KIAA0586: variants seen among roughly 807,000 people sequenced by gnomAD.
KIAA0586 encodes the protein protein TALPID3.
Under a neutral mutation model 169.8 loss-of-function variants are expected in KIAA0586, and 144 were observed. That is an observed-to-expected ratio of 0.85 (90% confidence interval 0.74 to 0.97). The LOEUF (loss-of-function observed/expected upper bound fraction) is 0.97, where lower values mean the gene tolerates loss of function less well. Ranked by LOEUF, KIAA0586 falls within the 50% of genes least tolerant of loss-of-function variation. The pLI, the probability that KIAA0586 is intolerant of heterozygous loss-of-function variation, is 0.00. For missense variants in KIAA0586, 1,854 were observed against 1,823.0 expected, an observed-to-expected ratio of 1.02 and a Z score of -0.31; for synonymous variants, 625 against 612.4, an observed-to-expected ratio of 1.02 and a Z score of -0.30.
chr14:58,541,256 T>A (rs893142094), intron 30 of KIAA0586, among the ~76,000 whole-genome samples: 1 of 152,234 alleles, frequency 6.6e-6, no homozygotes. Flanking sequence ...GCTGAGGCTT[T>A]GTAGAATGCA....
intron 29 of KIAA0586, among the ~76,000 whole-genome samples, chr14:58,522,616 C>T (rs768131416): frequency 3.3e-5 from 5 of 151,486 alleles, no homozygotes; most frequent in Non-Finnish European, 2.9e-5. Context: ...CTTTTTTCCT[C>T]AAAATAAACA....
chr14:58,440,362 G>A (rs2038218022), intron 4 of KIAA0586, among the ~76,000 whole-genome samples: 2 of 149,234 alleles, frequency 1.3e-5, no homozygotes, highest in African/African-American at 5.0e-5. Flanking sequence ...ACTGAGTTTC[G>A]CTCTTGTCGC....
chr14:58,508,567 A>C lies in KIAA0586; in HGVS notation c.4181A>C (p.Glu1394Ala). ...QFDTVSGSIY[E>A]DSCASHGPMS... Reference sequence around the variant, plus strand: ...TTTTTGATAACAGGTAGTATTTATGAAGATTCATGTGCTAGTCATGGTCCA... The same window carrying C: ...TTTTTGATAACAGGTAGTATTTATGCAGATTCATGTGCTAGTCATGGTCCA... The change falls in exon 28 of 31, where the codon GAA becomes GCA. Residue 1394 changes from glutamate (E) to alanine (A), a missense_variant. Coordinates refer to ENST00000652326, the MANE Select transcript of KIAA0586 (RefSeq NM_001329943.3). 1 of 1,583,726 alleles carries C rather than the reference A, an allele frequency of 6.3e-7. No homozygotes were observed. The highest frequency in any genetic ancestry group is 8.6e-7 in the Non-Finnish European group (1 of 1,164,884).
intron 21 of KIAA0586, among the ~76,000 whole-genome samples, chr14:58,485,892 T>G (rs1429811305): frequency 1.3e-5 from 2 of 152,186 alleles, no homozygotes; most frequent in African/African-American, 4.8e-5. Flanking sequence ...AAATGCTTCC[T>G]TTCTGTTCTA....
chr14:58,437,964 AG>A (rs1297768194), intron 4 of KIAA0586, among the ~76,000 whole-genome samples: 2 of 152,160 alleles, frequency 1.3e-5, no homozygotes, highest in African/African-American at 4.8e-5. Flanking sequence ...CCAGAGATGT[AG>A]GGGGTATGGT....
intron 7 of KIAA0586, among the ~76,000 whole-genome samples, chr14:58,448,823 T>A (rs981988905): frequency 2.6e-5 from 4 of 152,094 alleles, no homozygotes; most frequent in African/African-American, 9.7e-5. Context: ...TTAGAAAAAA[T>A]TTACTTATTT....
chr14:58,480,637 C>A (rs1027797270), intron 20 of KIAA0586, among the ~76,000 whole-genome samples: 2 of 152,172 alleles, frequency 1.3e-5, no homozygotes, highest in Non-Finnish European at 2.9e-5. Context: ...TCTCCCAGCA[C>A]CCAATCTCTA....
Position 58,452,159 on chromosome 14 carries a change from G to T in KIAA0586, c.1130-1191G>T, listed in dbSNP as rs149771372. Among the ~76,000 whole-genome samples the T allele has an allele frequency of 4.5e-4, 68 of 152,202 alleles. No homozygotes were observed. The East Asian group carries it at 0.01, about 23-fold the overall frequency. The stretch of plus-strand genomic sequence containing the variant: ...GGTGGGAAGCGGGTGAGGGATAAAA[G>T]ACTACAAATTGGGTTCAGTGTATAC... On this transcript the variant is annotated intron_variant, in intron 8 of 30. Coordinates refer to ENST00000652326, the MANE Select transcript of KIAA0586 (RefSeq NM_001329943.3).
At chr14:58,467,156 A>G (rs944223782) in intron 15 of KIAA0586, among the ~76,000 whole-genome samples, 1 of 152,236 alleles carries the variant, frequency 6.6e-6, no homozygotes, top group Non-Finnish European at 1.5e-5. Context: ...GTAATAAAAT[A>G]GCTCACACTT....
chr14:58,430,566 G>A, intron 2 of KIAA0586, 82 bp from the exon 3 acceptor site: 1 of 782,458 alleles, frequency 1.3e-6, no homozygotes, highest in Non-Finnish European at 2.1e-6. Flanking sequence ...GAACACAGTA[G>A]TCACATAGCT....
intron 16 of KIAA0586, among the ~76,000 whole-genome samples, chr14:58,470,025 C>T (rs1296361774): frequency 1.3e-5 from 2 of 150,754 alleles, no homozygotes; most frequent in African/African-American, 4.9e-5. Context: ...GAAAGTTAAT[C>T]CAATATCTGG....
intron 10 of KIAA0586, 151 bp from the exon 11 acceptor site, chr14:58,457,608 C>T: frequency 1.7e-6 from 1 of 579,450 alleles, no homozygotes; most frequent in East Asian, 2.9e-5. Context: ...ACTTTGATTG[C>T]CAAGTATTCT....
chr14:58,427,958 ACCAGCTCTG>A lies in KIAA0586; in HGVS notation c.-306_-298del, dbSNP rs2036975912. The A allele has an allele frequency of 2.1e-6, 3 of 1,404,302 alleles. No homozygotes were observed. Among genetic ancestry groups the A allele is most frequent in the Non-Finnish European group, 1.9e-6 (2 of 1,079,488 alleles). 87.0% of individuals were successfully genotyped at this position (1,404,302 alleles called of 1,614,324 possible). A position where few individuals can be genotyped will look rare whatever the true frequency, so the allele number is the denominator to read the frequency against. Reference sequence around the variant, plus strand: ...CACTACATGTGTTTGGTTTTGCCCTACCAGCTCTGGGGTTGGGGAGTGCACTGTTATGGT... The same window carrying A: ...CACTACATGTGTTTGGTTTTGCCCTAGGGTTGGGGAGTGCACTGTTATGGT... On this transcript the variant is annotated 5_prime_UTR_variant, in exon 1 of 31. The change creates a premature stop within an existing upstream ORF in the 5' untranslated region. Transcript: ENST00000652326.
Position 58,465,975 on chromosome 14 carries a change from C to A in KIAA0586, c.2200C>A (p.Pro734Thr). 1 of 1,613,166 alleles carries A rather than the reference C, an allele frequency of 6.2e-7. No individual in the cohort carries two copies. The highest frequency in any genetic ancestry group is 2.2e-5 in the East Asian group (1 of 44,854). The change falls in exon 15 of 31, where the codon CCT (proline) becomes ACT (threonine). Residue 734 changes from proline (P) to threonine (T), a missense_variant. Coordinates refer to ENST00000652326, the MANE Select transcript of KIAA0586 (RefSeq NM_001329943.3). ...QYLFSPSREM[P>T]TFSGTLEGHL... ...TTTGTTCAGCCCAAGTAGAGAAATGCCTACTTTTTCAGGTACATTGGAAGG... is the reference window on the plus strand; with the variant it reads ...TTTGTTCAGCCCAAGTAGAGAAATGACTACTTTTTCAGGTACATTGGAAGG...
chr14:58,513,201 T>C (rs955612431), intron 29 of KIAA0586, among the ~76,000 whole-genome samples: 2 of 152,074 alleles, frequency 1.3e-5, no homozygotes, highest in African/African-American at 4.8e-5. Context: ...GCCATCTTGC[T>C]TCTTAGTCAT....
chr14:58,543,286 C>T (rs2046774250), intron 30 of KIAA0586, among the ~76,000 whole-genome samples: 1 of 151,982 alleles, frequency 6.6e-6, no homozygotes, highest in South Asian at 2.1e-4. Flanking sequence ...CTTTATAGTA[C>T]TTAGCACTTC....
At chr14:58,466,929 G>C (rs2040818955) in intron 15 of KIAA0586, among the ~76,000 whole-genome samples, 2 of 152,096 alleles carry the variant, frequency 1.3e-5, no homozygotes, top group Admixed American at 1.3e-4. Flanking sequence ...CCTTCTCTCT[G>C]AGTCTTCATG....
downstream of KIAA0586, among the ~76,000 whole-genome samples, chr14:58,554,461 T>C (rs1451672795): frequency 6.6e-6 from 1 of 152,226 alleles, no homozygotes; most frequent in Non-Finnish European, 1.5e-5. Flanking sequence ...CATATGCTAA[T>C]GAGCTTCTGA....
At chr14:58,495,104 AC>A in intron 26 of KIAA0586, among the ~76,000 whole-genome samples, 1 of 151,390 alleles carries the variant, frequency 6.6e-6, no homozygotes, top group African/African-American at 2.4e-5. Context: ...GTTCTTTTTC[AC>A]CTCTGTAGTT....
Sources: gnomAD v4.1 joint callset for allele counts (sites outside exome capture counted in the v4.1 genomes callset) on GRCh38, gnomAD v4.1.1 for gene constraint, MANE v1.5 for transcripts, NCBI Gene and HGNC (gene_info 2026-07-23, HGNC 2026-07-21) for gene names.